The following ELOVL7 variants were observed in gnomAD, a reference collection of about 807,000 sequenced individuals.
ELOVL7 encodes very long chain fatty acid elongase 7.
In ELOVL7, 27 loss-of-function variants were observed where a neutral mutation model predicts 35.7. That is an observed-to-expected ratio of 0.76 (90% CI 0.56 to 1.04). The LOEUF is 1.04. ELOVL7 is among the 50% of genes least tolerant of loss of function. The pLI is 0.00. For synonymous variants in ELOVL7, 113 were observed against 114.6 expected (o/e 0.99, Z 0.09); for missense variants, 327 against 340.8 (o/e 0.96, Z 0.32).
At position 60,792,345 on chromosome 5, in the gene ELOVL7, C is replaced by G. The variant is rs76911197; in HGVS notation, c.-34-4914G>C. Reference sequence around the variant, plus strand: ...GACACAACAGAAAAACCTGATCCCCCTTACCTTGTTGGAACTGAACACAAA... The same window carrying G: ...GACACAACAGAAAAACCTGATCCCCGTTACCTTGTTGGAACTGAACACAAA... On this transcript the variant is annotated intron_variant, in intron 2 of 8. Coordinates refer to ENST00000508821, the MANE Select transcript of ELOVL7 (RefSeq NM_024930.3). Among the ~76,000 whole-genome samples the G allele has an allele frequency of 6.2e-3, 949 of 152,284 alleles. 14 individuals are homozygous for G. Among genetic ancestry groups the G allele is most frequent in the Non-Finnish European group, 8.0e-3 (547 of 68,020 alleles).
intron 1 of ELOVL7, among the ~76,000 whole-genome samples, chr5:60,843,009 T>A (rs1327194817): frequency 6.6e-6 from 1 of 152,002 alleles, no homozygotes; most frequent in East Asian, 1.9e-4. Flanking sequence ...AATAAGCGGG[T>A]GCGTGGTAAG....
At chr5:60,839,947 C>G (rs1274181244) in intron 1 of ELOVL7, among the ~76,000 whole-genome samples, 1 of 151,574 alleles carries the variant, frequency 6.6e-6, no homozygotes, top group East Asian at 2.0e-4. Context: ...CTGCGGAAAG[C>G]CATGACTGTG....
intron 1 of ELOVL7, among the ~76,000 whole-genome samples, chr5:60,805,284 T>A (rs1744859174): frequency 6.6e-6 from 1 of 152,190 alleles, no homozygotes; most frequent in Non-Finnish European, 1.5e-5. Flanking sequence ...ACAAAAATCC[T>A]GGCTTCATGA....
chr5:60,825,794 G>A (rs964906586), intron 1 of ELOVL7, among the ~76,000 whole-genome samples: 8 of 152,248 alleles, frequency 5.3e-5, no homozygotes, highest in African/African-American at 1.9e-4. Flanking sequence ...AATAGTAACA[G>A]GAGCCAATAG....
At chr5:60,805,315 G>C (rs560562076) in intron 1 of ELOVL7, among the ~76,000 whole-genome samples, 10 of 152,330 alleles carry the variant, frequency 6.6e-5, no homozygotes, top group South Asian at 2.1e-4. Flanking sequence ...AGTTGCAGAT[G>C]TGTCTCCAAA....
chr5:60,781,160 GA>G (rs1743229284), intron 3 of ELOVL7, among the ~76,000 whole-genome samples: 1 of 150,602 alleles, frequency 6.6e-6, no homozygotes, highest in South Asian at 2.1e-4. Flanking sequence ...CAGTGAACCG[GA>G]GATCATGCCA....
intron 2 of ELOVL7, among the ~76,000 whole-genome samples, chr5:60,793,594 G>A (rs1419188996): frequency 6.6e-6 from 1 of 152,158 alleles, no homozygotes; most frequent in Non-Finnish European, 1.5e-5. Context: ...CAAGGGTAAT[G>A]TCTTATCCTG....
At chr5:60,792,018 T>C (rs927524384) in intron 2 of ELOVL7, among the ~76,000 whole-genome samples, 3 of 152,178 alleles carry the variant, frequency 2.0e-5, no homozygotes, top group Admixed American at 6.5e-5. Flanking sequence ...TCAGAAATAT[T>C]CACAGGCAGC....
intron 4 of ELOVL7, among the ~76,000 whole-genome samples, chr5:60,770,550 T>C (rs1440936944): frequency 6.6e-6 from 1 of 152,226 alleles, no homozygotes; most frequent in Non-Finnish European, 1.5e-5. Flanking sequence ...GTGTTTTCTT[T>C]GCTCCCATCT....
chr5:60,835,589 T>C (rs971624347), intron 1 of ELOVL7, among the ~76,000 whole-genome samples: 5 of 151,876 alleles, frequency 3.3e-5, no homozygotes, highest in Non-Finnish European at 7.4e-5. Context: ...TTTTTAAATT[T>C]TTTGTAGAGA....
intron 1 of ELOVL7, among the ~76,000 whole-genome samples, chr5:60,808,300 A>G (rs1019229625): frequency 6.6e-6 from 1 of 152,194 alleles, no homozygotes; most frequent in African/African-American, 2.4e-5. Context: ...ATTCAAATAC[A>G]TGACAAAAAA....
intron 7 of ELOVL7, among the ~76,000 whole-genome samples, chr5:60,763,780 G>A (rs1742065028): frequency 6.6e-6 from 1 of 152,170 alleles, no homozygotes; most frequent in Non-Finnish European, 1.5e-5. Flanking sequence ...GCTATTAGGG[G>A]TTAGAGTGTG....
intron 3 of ELOVL7, among the ~76,000 whole-genome samples, chr5:60,778,841 C>T (rs960228688): frequency 2.0e-5 from 3 of 152,214 alleles, no homozygotes; most frequent in Admixed American, 1.3e-4. Flanking sequence ...TCATCTGAGA[C>T]AAGGCAAGTC....
At chr5:60,837,303 AGGGCGGGG>A (rs1305762552) in intron 1 of ELOVL7, among the ~76,000 whole-genome samples, 2 of 3,252 alleles carry the variant, frequency 6.2e-4, no homozygotes, top group African/African-American at 1.2e-3. Context: ...CAGGCGTGGT[AGGGCGGGG>A]GGGTGGGGGG....
At position 60,757,497 on chromosome 5, in the gene ELOVL7, T is replaced by A; in HGVS notation, c.636+12A>T. On this transcript the variant is annotated intron_variant, in intron 8 of 8. Coordinates refer to ENST00000508821, the MANE Select transcript of ELOVL7 (RefSeq NM_024930.3). ...GCTTCATATATGGTTTTAAAGACAA[T>A]TAATTACTCACAAGCTGTAATGATG... 10 of 1,612,426 alleles carry A rather than the reference T, an allele frequency of 6.2e-6. No homozygotes were observed. Among genetic ancestry groups the A allele is most frequent in the Non-Finnish European group, 8.5e-6 (10 of 1,179,104 alleles).
At chr5:60,777,555 T>C (rs1742981666) in intron 3 of ELOVL7, among the ~76,000 whole-genome samples, 1 of 152,096 alleles carries the variant, frequency 6.6e-6, no homozygotes, top group Non-Finnish European at 1.5e-5. Flanking sequence ...GCTGGATATA[T>C]GGATCTAGAA....
At chr5:60,806,110 C>T (rs1744910764) in intron 1 of ELOVL7, among the ~76,000 whole-genome samples, 1 of 152,108 alleles carries the variant, frequency 6.6e-6, no homozygotes, top group East Asian at 1.9e-4. Flanking sequence ...GAAATTTAGA[C>T]ACAGACATGC....
intron 1 of ELOVL7, among the ~76,000 whole-genome samples, chr5:60,838,274 C>T (rs539679130): frequency 6.6e-6 from 1 of 152,164 alleles, no homozygotes; most frequent in South Asian, 2.1e-4. Flanking sequence ...TCCCTAGATT[C>T]TATTTCCCAC....
At chr5:60,767,140 G>A (rs546477533) in intron 5 of ELOVL7, among the ~76,000 whole-genome samples, 1 of 151,974 alleles carries the variant, frequency 6.6e-6, no homozygotes, top group Non-Finnish European at 1.5e-5. Context: ...TGTCATCTAG[G>A]TTGGAGTGCA....
Sources: allele counts gnomAD v4.1 joint callset (sites outside exome capture counted in the v4.1 genomes callset), GRCh38; gene constraint gnomAD v4.1.1; transcripts MANE v1.5; gene names NCBI Gene and HGNC (gene_info 2026-07-23, HGNC 2026-07-21).